Variants in HMCN2 observed in about 807,000 individuals in gnomAD.
HMCN2 encodes the protein hemicentin-2.
In HMCN2, 325 loss-of-function variants were observed where a neutral mutation model predicts 377.5. The observed-to-expected ratio is 0.86, with a 90% CI of 0.79 to 0.94. The LOEUF (loss-of-function observed/expected upper bound fraction) is 0.94. Ranked by LOEUF, HMCN2 falls within the 40% of genes least tolerant of loss-of-function variation. The probability of loss-of-function intolerance (pLI) is 0.00; values close to 1 mark genes in which losing one functional copy is unlikely to be tolerated. For missense variants in HMCN2, 4,543 were observed against 4,725.3 expected (o/e 0.96, Z 1.13); for synonymous variants, 2,007 against 2,046.8 (o/e 0.98, Z 0.53).
chr9:130,421,895 G>A (rs1295083475), intron 86 of HMCN2, among the ~76,000 whole-genome samples: 1 of 152,234 alleles, frequency 6.6e-6, no homozygotes, highest in Non-Finnish European at 1.5e-5. Flanking sequence ...TCCCCTGAGA[G>A]CTGCTGAGTG....
chr9:130,404,423 C>T lies in HMCN2; in HGVS notation c.12149-446C>T, dbSNP rs1437301559. ...CCAGCGTGCTCCTCTCCCCTGGGAC[C>T]TGTAGCATCGCTGGTCACCAGACCA... On this transcript the variant is annotated intron_variant, in intron 80 of 97. Coordinates refer to ENST00000683500, the MANE Select transcript of HMCN2 (RefSeq NM_001291815.2). 2.6e-5 allele frequency among the ~76,000 whole-genome samples: 4 copies of T among 152,304 alleles called. No individual in the cohort carries two copies. The East Asian group carries it at 7.7e-4, about 29-fold the overall frequency.
rs552028755 is a variant in HMCN2 at position 130,356,964 on chromosome 9, G to A, written c.5425+707G>A. ...TGAATGAGTGGACAGATAGAAGGGT[G>A]GATGGATGGATGGATGGAAAGGTGG... On this transcript the variant is annotated intron_variant, in intron 34 of 97. Coordinates refer to ENST00000683500, the MANE Select transcript of HMCN2 (RefSeq NM_001291815.2). Among the ~76,000 whole-genome samples, 16 of 152,062 alleles carry A rather than the reference G, an allele frequency of 1.1e-4. No homozygotes were observed. The South Asian group carries it at 3.1e-3, about 30-fold the overall frequency.
rs1374223456 is a variant in HMCN2 at position 130,311,846 on chromosome 9, G to A, written c.2350+1785G>A. Among the ~76,000 whole-genome samples the A allele has an allele frequency of 3.3e-5, 5 of 152,258 alleles. No individual in the cohort carries two copies. In the South Asian group the frequency reaches 1.0e-3, roughly 32 times the overall value. On this transcript the variant is annotated intron_variant, in intron 15 of 97. Coordinates refer to ENST00000683500, the MANE Select transcript of HMCN2 (RefSeq NM_001291815.2). ...GGAGGAGTTTGGGCTGTGCCCTGAGGGGGTTGGTGAGAGGTTTTCAGGAGG... is the reference window on the plus strand; with the variant it reads ...GGAGGAGTTTGGGCTGTGCCCTGAGAGGGTTGGTGAGAGGTTTTCAGGAGG...
intron 23 of HMCN2, among the ~76,000 whole-genome samples, chr9:130,339,768 C>T (rs1259999170): frequency 6.6e-6 from 1 of 152,182 alleles, no homozygotes; most frequent in East Asian, 1.9e-4. Flanking sequence ...GCACCCAGGC[C>T]CTGGGCTAAG....
rs34729181 is a variant in HMCN2, at chr9:130,290,862, G to GA, written c.613-3975dup. On this transcript the variant is annotated intron_variant, in intron 4 of 97. Coordinates refer to ENST00000683500, the MANE Select transcript of HMCN2 (RefSeq NM_001291815.2). ...AGGCACATATCTTCTAGCTCAGTCT[G>GA]AAAAAAAAAAAAAAAAAACAAAAAC... Among the ~76,000 whole-genome samples the GA allele has an allele frequency of 4.1e-3, 493 of 121,070 alleles. 2 individuals carry two copies. Among genetic ancestry groups the GA allele is most frequent in the African/African-American group, 4.7e-3 (144 of 30,356 alleles). The allele number at this position is 121,070 out of a possible 152,430, so 79.4% of individuals were successfully genotyped here. A position where few individuals can be genotyped will look rare whatever the true frequency, so the allele number is the denominator to read the frequency against.
chr9:130,383,404 C>T, intron 56 of HMCN2, 100 bp from the exon 57 acceptor site: 1 of 441,662 alleles, frequency 2.3e-6, no homozygotes, highest in Non-Finnish European at 3.0e-6. Flanking sequence ...TGCCTGCTTC[C>T]CTGGCATGGG....
rs535726184 is a variant in HMCN2, at chr9:130,393,815, G to A, written c.10308G>A (p.Pro3436=). The A allele has an allele frequency of 2.9e-5, 38 of 1,288,314 alleles. No individual in the cohort carries two copies. The Middle Eastern group carries it at 2.8e-3, about 94-fold the overall frequency. The allele number at this position is 1,288,314 out of a possible 1,614,324, so 79.8% of individuals were successfully genotyped here. ...VVVRGSLVEL[P]CEARGVPLPL... The stretch of plus-strand genomic sequence containing the variant: ...TTCGTGGCTCCCTGGTGGAACTCCC[G>A]TGCGAGGCCCGGGGCGTTCCCCTGC... The change falls in exon 68 of 98, where the codon CCG becomes CCA. Residue 3436 remains proline, a synonymous_variant. Transcript: ENST00000683500. This position sits in a 1 kb window ranked among gnomAD's most constrained non-coding sequence, Gnocchi z 5.2.
At chr9:130,286,780 G>C (rs959050964) in intron 4 of HMCN2, among the ~76,000 whole-genome samples, 4 of 152,224 alleles carry the variant, frequency 2.6e-5, no homozygotes, top group Non-Finnish European at 5.9e-5. Context: ...GCACTGGGCA[G>C]GGAGGGGCTG....
rs748735294 is a variant in HMCN2, at chr9:130,402,790, C to T, written c.11772C>T (p.Gly3924=). The T allele has an allele frequency of 9.5e-5, 123 of 1,289,412 alleles. No individual in the cohort carries two copies. Among genetic ancestry groups the T allele is most frequent in the African/African-American group, 1.4e-4 (9 of 65,872 alleles). The allele number at this position is 1,289,412 out of a possible 1,614,324, so 79.9% of individuals were successfully genotyped here. ...CCTCACCCTGATTCCCACCAACAGGCGCCCTGGAGATCGGGCAGGCCCTCC... is the reference window on the plus strand; with the variant it reads ...CCTCACCCTGATTCCCACCAACAGGTGCCCTGGAGATCGGGCAGGCCCTCC... ...RGSGYRVSPS[G]ALEIGQALPI... is the part of the protein sequence containing the mutation. The change falls in exon 78 of 98, where the codon GGC becomes GGT. Residue 3924 remains glycine (G), a splice_region_variant and synonymous_variant. Transcript: ENST00000683500.
At chr9:130,338,927 G>A in intron 23 of HMCN2, among the ~76,000 whole-genome samples, 1 of 152,204 alleles carries the variant, frequency 6.6e-6, no homozygotes, top group East Asian at 1.9e-4. Context: ...AGTGGCTCAT[G>A]CCTGTAATAC....
chr9:130,387,268 C>T (rs570112909), intron 61 of HMCN2, among the ~76,000 whole-genome samples: 3 of 152,246 alleles, frequency 2.0e-5, no homozygotes, highest in South Asian at 4.2e-4. Context: ...GAGACTTAGC[C>T]GTGCCACAAA....
intron 15 of HMCN2, among the ~76,000 whole-genome samples, chr9:130,315,848 C>T (rs2131384811): frequency 6.6e-6 from 1 of 152,236 alleles, no homozygotes; most frequent in Non-Finnish European, 1.5e-5. Context: ...AAGGACGCTC[C>T]CTGGCATCTC....
intron 18 of HMCN2, among the ~76,000 whole-genome samples, chr9:130,321,293 C>A (rs1269889611): frequency 6.8e-6 from 1 of 148,128 alleles, no homozygotes; most frequent in Admixed American, 6.7e-5. Flanking sequence ...GACACCGGCG[C>A]GCGCTGAACG....
chr9:130,373,148 G>T (rs1841130886), intron 48 of HMCN2, 24 bp downstream of exon 48: 20 of 940,986 alleles, frequency 2.1e-5, no homozygotes, highest in Non-Finnish European at 2.5e-5. Context: ...GATGTGATGG[G>T]CTGGGAGAAG....
intron 4 of HMCN2, among the ~76,000 whole-genome samples, chr9:130,287,736 C>G (rs1186008124): frequency 6.6e-6 from 1 of 152,152 alleles, no homozygotes; most frequent in African/African-American, 2.4e-5. Context: ...CTTTACATTT[C>G]CCAGCTCAGA....
intron 62 of HMCN2, among the ~76,000 whole-genome samples, chr9:130,389,724 A>G (rs1842208020): frequency 6.6e-6 from 1 of 151,716 alleles, no homozygotes; most frequent in African/African-American, 2.4e-5. Flanking sequence ...ACAGGCTCGC[A>G]CCACCACGCC....
chr9:130,267,657 T>C (rs181399629), intron 1 of HMCN2, among the ~76,000 whole-genome samples: 93 of 152,358 alleles, frequency 6.1e-4, no homozygotes, highest in African/African-American at 2.1e-3. Context: ...CTACGTAGGC[T>C]TCAGGCTGAG....
chr9:130,432,825 G>A (rs530106857), intron 97 of HMCN2: 21 of 515,692 alleles, frequency 4.1e-5, no homozygotes, highest in African/African-American at 2.3e-4. Flanking sequence ...TCTCCTCCAC[G>A]CCACTCACAG....
chr9:130,323,503 G>A (rs1837959391), intron 19 of HMCN2, among the ~76,000 whole-genome samples: 1 of 152,180 alleles, frequency 6.6e-6, no homozygotes, highest in Non-Finnish European at 1.5e-5. Flanking sequence ...GGTTAAATTA[G>A]CTTTTGTGCT....
Sources: allele counts gnomAD v4.1 joint callset (sites outside exome capture counted in the v4.1 genomes callset), GRCh38; gene constraint gnomAD v4.1.1; non-coding constraint Gnocchi (gnomAD v3.1); transcripts MANE v1.5; gene names NCBI Gene and HGNC (gene_info 2026-07-23, HGNC 2026-07-21).